The following CDH23 variants were observed in gnomAD, a reference collection of about 807,000 sequenced individuals.
CDH23 encodes cadherin-23.
A neutral mutation model predicts 317.1 loss-of-function variants in CDH23; 189 were observed. The observed-to-expected ratio is 0.60, with a 90% CI of 0.53 to 0.67. The LOEUF (loss-of-function observed/expected upper bound fraction) is 0.67, where lower values mean the gene tolerates loss of function less well. CDH23 is among the 30% of genes least tolerant of loss of function. CDH23 has a pLI of 0.00. For missense variants in CDH23, 4,401 were observed against 4,592.4 expected (o/e 0.96, Z 1.20); for synonymous variants, 1,839 against 1,876.8 (o/e 0.98, Z 0.52).
In CDH23 at chr10:71,648,741, G is replaced by A. The variant is rs774959251; in HGVS notation, c.1449+2124G>A. 7.2e-4 allele frequency among the ~76,000 whole-genome samples: 109 copies of A among 152,172 alleles called. 1 individual carries two copies. Among genetic ancestry groups the A allele is most frequent in the Non-Finnish European group, 2.2e-4 (15 of 68,022 alleles). ...TATCCAGAACTGGGGCAGCTGCTGG[G>A]CCTGAGCTCAGCCTCCTCTGTGAGT... On this transcript the variant is annotated intron_variant, in intron 14 of 69. Coordinates refer to ENST00000224721, the MANE Select transcript of CDH23 (RefSeq NM_022124.6).
chr10:71,536,648 G>A (rs1239558338), intron 6 of CDH23, among the ~76,000 whole-genome samples: 1 of 152,160 alleles, frequency 6.6e-6, no homozygotes, highest in Non-Finnish European at 1.5e-5. Flanking sequence ...GAAGACAGTG[G>A]ACAATGGAAA....
chr10:71,784,900 G>A lies in CDH23; in HGVS notation c.5512G>A (p.Gly1838Arg). ...MPPLSSTMLVGIRVLDINDND... is the reference protein window; with the variant it reads ...MPPLSSTMLVRIRVLDINDND... ...TCTCTGACTGGCCCAGATGCTGGTG[G>A]GGATCCGGGTGCTGGACATCAACGA... The change falls in exon 43 of 70, where the codon GGG (glycine) becomes AGG (arginine). Residue 1838 changes from glycine to arginine, a missense_variant. Around this residue, in one of 3 missense-constraint regions of CDH23, gnomAD observed 3,068 missense variants for 3,203.3 expected, o/e 0.96. Transcript: ENST00000224721. The A allele has an allele frequency of 6.2e-7, 1 of 1,613,618 alleles. No homozygotes were observed. Among genetic ancestry groups the A allele is most frequent in the Non-Finnish European group, 8.5e-7 (1 of 1,179,550 alleles).
At chr10:71,552,452 A>T (rs1856649092) in intron 6 of CDH23, among the ~76,000 whole-genome samples, 1 of 152,264 alleles carries the variant, frequency 6.6e-6, no homozygotes, top group Non-Finnish European at 1.5e-5. Flanking sequence ...GCCCATAGCC[A>T]GCCGTGGGGC....
Position 71,815,443 on chromosome 10 carries a change from T to C in CDH23, c.*165T>C. 1.8e-6 allele frequency: 1 copy of C among 560,892 alleles called. No individual in the cohort carries two copies. The allele number at this position is 560,892 out of a possible 1,614,324, so 34.7% of individuals were successfully genotyped here. A position where few individuals can be genotyped will look rare whatever the true frequency, so the allele number is the denominator to read the frequency against. The stretch of plus-strand genomic sequence containing the variant: ...CGCATCAGCTGCTCAGATCCCACTT[T>C]TGCCAGACGCTCATTCAGCATCTGA... On this transcript the variant is annotated 3_prime_UTR_variant, in exon 70 of 70. Transcript: ENST00000224721.
At chr10:71,799,019 C>T in intron 50 of CDH23, 92 bp from the exon 51 acceptor site, 2 of 1,253,006 alleles carry the variant, frequency 1.6e-6, no homozygotes, top group South Asian at 1.4e-5. Flanking sequence ...ACCACAGCTG[C>T]CCCTCGGAGT....
chr10:71,545,553 G>T (rs78854317), intron 6 of CDH23, among the ~76,000 whole-genome samples: 7,211 of 152,234 alleles, frequency 0.047, 232 homozygotes, highest in South Asian at 0.12. Flanking sequence ...CTTCCTATTT[G>T]CTATCATTCA....
chr10:71,518,553 G>A (rs557966560), intron 6 of CDH23, among the ~76,000 whole-genome samples: 1 of 152,298 alleles, frequency 6.6e-6, no homozygotes, highest in Non-Finnish European at 1.5e-5. Flanking sequence ...TCAGGACCCA[G>A]CCACGGTCAT....
In CDH23 at chr10:71,510,986, C is replaced by T; in HGVS notation, c.321C>T (p.Val107=). The change falls in exon 5 of 70, where the codon GTC becomes GTT. Residue 107 remains valine, a synonymous_variant. Coordinates refer to ENST00000224721, the MANE Select transcript of CDH23 (RefSeq NM_022124.6). ...CAGAGTTCACCGTGGAGTTCTCTGT[C>T]AGCGACCACCAGGGGGTGAGTGTTC... ...TKSEFTVEFS[V]SDHQGVITRK... 6.2e-7 allele frequency: 1 copy of T among 1,613,932 alleles called. No homozygotes were observed. Among genetic ancestry groups the T allele is most frequent in the South Asian group, 1.1e-5 (1 of 91,080 alleles).
chr10:71,783,187 C>G (rs1201223102), intron 41 of CDH23, among the ~76,000 whole-genome samples: 1 of 152,236 alleles, frequency 6.6e-6, no homozygotes, highest in East Asian at 1.9e-4. Context: ...CTCTCTTCTG[C>G]AGGCTCTCCC....
At position 71,791,114 on chromosome 10, in the gene CDH23, G is replaced by A. The variant is rs779447313; in HGVS notation, c.6050-18G>A. On this transcript the variant is annotated intron_variant, in intron 46 of 69. Coordinates refer to ENST00000224721, the MANE Select transcript of CDH23 (RefSeq NM_022124.6). ...CCCTTTTCTGTGTGTTTCCCTGGCT[G>A]GCGGCACCGGGTGCCAGGTGTGGTG... The A allele has an allele frequency of 1.9e-6, 3 of 1,589,114 alleles. No homozygotes were observed. The highest frequency in any genetic ancestry group is 2.6e-6 in the Non-Finnish European group (3 of 1,167,352).
At chr10:71,540,692 G>A (rs144556785) in intron 6 of CDH23, among the ~76,000 whole-genome samples, 1 of 152,096 alleles carries the variant, frequency 6.6e-6, no homozygotes, top group Admixed American at 6.5e-5. Flanking sequence ...GCCGACCAGG[G>A]CCCCAGCTGA....
intron 3 of CDH23, among the ~76,000 whole-genome samples, chr10:71,467,748 G>C (rs559867272): frequency 1.7e-4 from 26 of 152,266 alleles, no homozygotes; most frequent in African/African-American, 6.3e-4. Context: ...CGTGTAAAAA[G>C]CTTAGACTAG....
At chr10:71,425,409 A>G (rs1267484027) in intron 1 of CDH23, among the ~76,000 whole-genome samples, 3 of 149,900 alleles carry the variant, frequency 2.0e-5, no homozygotes, top group African/African-American at 4.9e-5. Flanking sequence ...GGAAGGAAGG[A>G]AGGAGGGAAG....
intron 1 of CDH23, among the ~76,000 whole-genome samples, chr10:71,434,895 C>G (rs1156395047): frequency 6.6e-6 from 1 of 152,106 alleles, no homozygotes; most frequent in Non-Finnish European, 1.5e-5. Context: ...CAAAAGCCCA[C>G]CCACCACCCC....
At chr10:71,584,902 C>T (rs1858943039) in intron 9 of CDH23, among the ~76,000 whole-genome samples, 1 of 152,162 alleles carries the variant, frequency 6.6e-6, no homozygotes, top group Non-Finnish European at 1.5e-5. Flanking sequence ...AGCCAGAGGT[C>T]ACCAGGAAGG....
intron 3 of CDH23, chr10:71,509,840 G>C (rs1853853977): frequency 3.7e-6 from 2 of 546,022 alleles, no homozygotes; most frequent in Non-Finnish European, 6.6e-6. Context: ...TACACACTCA[G>C]AACATGGTGA....
chr10:71,715,024 G>A (rs1235564654), intron 28 of CDH23: 1 of 152,268 alleles, frequency 6.6e-6, no homozygotes, highest in Non-Finnish European at 1.5e-5. Context: ...CATCCCTAGT[G>A]TGGGCAGGAC....
chr10:71,617,075 T>A, intron 10 of CDH23, 130 bp from the exon 11 acceptor site: 1 of 1,227,100 alleles, frequency 8.1e-7, no homozygotes, highest in Non-Finnish European at 1.1e-6. Context: ...CCTCCTGGAG[T>A]TGTGGTGAGG....
chr10:71,507,450 G>T (rs1189871033), intron 3 of CDH23, among the ~76,000 whole-genome samples: 2 of 152,204 alleles, frequency 1.3e-5, no homozygotes, highest in Admixed American at 6.5e-5. Flanking sequence ...CCAGCACTTT[G>T]GTAGGCCGAG....
Sources: allele counts gnomAD v4.1 joint callset (sites outside exome capture counted in the v4.1 genomes callset), GRCh38; gene constraint gnomAD v4.1.1; regional missense constraint gnomAD v4.1.1; transcripts MANE v1.5; gene names NCBI Gene and HGNC (gene_info 2026-07-23, HGNC 2026-07-21).